The following USP54 variants were observed in gnomAD, a reference collection of about 807,000 sequenced individuals.
USP54 encodes ubiquitin specific peptidase 54, also known as ubiquitin carboxyl-terminal hydrolase 54.
A neutral mutation model predicts 170.5 loss-of-function variants in USP54; 87 were observed. The observed-to-expected ratio is 0.51, with a 90% CI of 0.43 to 0.61. The LOEUF (loss-of-function observed/expected upper bound fraction) is 0.61, where lower values mean the gene tolerates loss of function less well. Among genes scored for constraint, USP54 ranks in the 20% least tolerant of loss-of-function variants. The probability of loss-of-function intolerance (pLI) is 0.00; values close to 1 mark genes in which losing one functional copy is unlikely to be tolerated. For synonymous variants in USP54, 655 were observed against 742.8 expected (o/e 0.88, Z 1.92); for missense variants, 1,786 against 2,047.8 (o/e 0.87, Z 2.47).
chr10:73,529,484 T>C (rs1564708858), intron 15 of USP54, 196 bp downstream of exon 15: 2 of 665,676 alleles, frequency 3.0e-6, no homozygotes, highest in Admixed American at 2.4e-5. Context: ...GTATTTCAAA[T>C]AGAAAGTTCT....
rs935226942 is a variant in USP54, at chr10:73,498,996, T to C, written c.4688A>G (p.Asn1563Ser). The change falls in exon 24 of 24, where the codon AAT becomes AGT. Residue 1563 changes from asparagine to serine, a missense_variant. Physicochemically the swap from Asn to Ser is conservative, Grantham distance 46 (BLOSUM62 1). Transcript: ENST00000687698. ...TGTGGCAGTGTAGGTTAGTTGAGGA[T>C]TGCACCCTGGAGTAGTCAGGAATCT... ...GTRFLTTPGC[N>S]PQLTYTATLP... 4.3e-6 allele frequency: 7 copies of C among 1,614,006 alleles called. No homozygotes were observed. In the African/African-American group the frequency reaches 5.3e-5, roughly 12 times the overall value.
chr10:73,592,418 A>G (rs963975659), upstream of USP54, among the ~76,000 whole-genome samples: 10 of 151,858 alleles, frequency 6.6e-5, no homozygotes, highest in Non-Finnish European at 1.0e-4. Flanking sequence ...CTTACATTTT[A>G]ACAATACAGT....
intron 4 of USP54, among the ~76,000 whole-genome samples, chr10:73,568,219 A>T (rs2074277774): frequency 6.6e-6 from 1 of 152,096 alleles, no homozygotes; most frequent in Non-Finnish European, 1.5e-5. Context: ...GCCCTATAAA[A>T]GTAGTTTTAA....
upstream of USP54, among the ~76,000 whole-genome samples, chr10:73,596,124 C>A (rs111453983): frequency 3.7e-3 from 554 of 147,980 alleles, no homozygotes; most frequent in Middle Eastern, 0.01. Context: ...AAAAAAAAAA[C>A]AAAACAAAAA....
intron 4 of USP54, among the ~76,000 whole-genome samples, chr10:73,558,681 T>C (rs2071902168): frequency 6.6e-6 from 1 of 152,106 alleles, no homozygotes; most frequent in Non-Finnish European, 1.5e-5. Flanking sequence ...AGTGAATAAT[T>C]ATGCTCCAAA....
At chr10:73,500,587 T>C in intron 23 of USP54, 68 bp downstream of exon 23, 1 of 1,467,778 alleles carries the variant, frequency 6.8e-7, no homozygotes, top group South Asian at 1.3e-5. Flanking sequence ...GGTATACTGA[T>C]TTGACCCTTG....
At chr10:73,600,119 C>G (rs1432840514) in intron 1 of USP54, among the ~76,000 whole-genome samples, 1 of 151,904 alleles carries the variant, frequency 6.6e-6, no homozygotes, top group Admixed American at 6.6e-5. Flanking sequence ...CAGGCTGCCT[C>G]GAACTCCTGA....
intron 12 of USP54, 95 bp downstream of exon 12, chr10:73,534,505 G>T: frequency 6.9e-7 from 1 of 1,443,416 alleles, no homozygotes; most frequent in South Asian, 1.4e-5. Flanking sequence ...GATTACAGGT[G>T]TGAGCCACTG....
intron 4 of USP54, among the ~76,000 whole-genome samples, chr10:73,563,650 T>C (rs1029350051): frequency 3.9e-5 from 6 of 151,922 alleles, no homozygotes; most frequent in African/African-American, 1.5e-4. Context: ...TTGGTCAGGC[T>C]AGTTTCAAAC....
At chr10:73,524,811 G>A (rs2062572080) in intron 16 of USP54, among the ~76,000 whole-genome samples, 1 of 152,150 alleles carries the variant, frequency 6.6e-6, no homozygotes, top group South Asian at 2.1e-4. Flanking sequence ...TTTGCCCAAG[G>A]TAAACCAAAT....
intron 1 of USP54, among the ~76,000 whole-genome samples, chr10:73,579,779 C>G (rs115304044): frequency 6.7e-6 from 1 of 148,700 alleles, no homozygotes; most frequent in Non-Finnish European, 1.5e-5. Flanking sequence ...ACAACAACAA[C>G]AAAAAAAAAC....
Position 73,616,335 on chromosome 10 carries a change from CAAAAAAAAAAAAAA to C in USP54, c.-18+9218_-18+9231del, listed in dbSNP as rs60197778. Among the ~76,000 whole-genome samples the C allele has an allele frequency of 2.7e-4, 7 of 25,776 alleles. 1 individual carries two copies. Among genetic ancestry groups the C allele is most frequent in the South Asian group, 8.0e-4 (1 of 1,246 alleles). The allele number at this position is 25,776 out of a possible 152,430, so 16.9% of individuals were successfully genotyped here. A position where few individuals can be genotyped will look rare whatever the true frequency, so the allele number is the denominator to read the frequency against. On this transcript the variant is annotated intron_variant, in intron 1 of 22. Transcript: ENST00000339859. ...CCTAGGCGACAGCAAGACTCCATCT[CAAAAAAAAAAAAAA>C]AAAAAAAAAAAAATCAAGTTCCATT...
At chr10:73,606,936 T>C (rs574394252) in intron 1 of USP54, among the ~76,000 whole-genome samples, 129 of 149,666 alleles carry the variant, frequency 8.6e-4, no homozygotes, top group Non-Finnish European at 1.6e-3. Context: ...TACTCCCAAC[T>C]ACCTAACTGA....
chr10:73,552,793 G>GA (rs1205125416), intron 4 of USP54, among the ~76,000 whole-genome samples: 1 of 151,896 alleles, frequency 6.6e-6, no homozygotes, highest in African/African-American at 2.4e-5. Flanking sequence ...TCTGTCTCAG[G>GA]AAAAAAACAA....
chr10:73,533,179 G>C (rs1034447641), intron 12 of USP54, among the ~76,000 whole-genome samples: 4 of 151,966 alleles, frequency 2.6e-5, no homozygotes, highest in Admixed American at 6.6e-5. Context: ...GGTGGCGGGC[G>C]CCTGTGGTCC....
At chr10:73,540,711 C>T (rs968070464) in intron 9 of USP54, among the ~76,000 whole-genome samples, 14 of 152,212 alleles carry the variant, frequency 9.2e-5, no homozygotes, top group African/African-American at 2.9e-4. Context: ...CCTCCCACCT[C>T]AGCCTCCTGA....
chr10:73,559,025 T>G (rs973688888), intron 4 of USP54, among the ~76,000 whole-genome samples: 1 of 152,158 alleles, frequency 6.6e-6, no homozygotes, highest in East Asian at 1.9e-4. Flanking sequence ...AAAATACATA[T>G]AAATGGACCC....
intron 1 of USP54, among the ~76,000 whole-genome samples, chr10:73,615,571 C>G (rs2080553507): frequency 6.7e-6 from 1 of 150,200 alleles, no homozygotes; most frequent in African/African-American, 2.5e-5. Context: ...CAAAACATCT[C>G]ATGTACCCAA....
chr10:73,570,401 G>A (rs1449421457), intron 4 of USP54, among the ~76,000 whole-genome samples: 1 of 129,822 alleles, frequency 7.7e-6, no homozygotes, highest in Non-Finnish European at 1.5e-5. Context: ...GAAACAGGTG[G>A]GGAAGTAAAA....
Sources: allele counts gnomAD v4.1 joint callset (sites outside exome capture counted in the v4.1 genomes callset), GRCh38; gene constraint gnomAD v4.1.1; transcripts MANE v1.5; gene names NCBI Gene and HGNC (gene_info 2026-07-23, HGNC 2026-07-21).